Variants in DOK6 observed in about 807,000 individuals in gnomAD.
DOK6 encodes the protein downstream of tyrosine kinase 6.
Under a neutral mutation model 44.0 loss-of-function variants are expected in DOK6, and 22 were observed. The ratio of observed to expected loss-of-function variants is 0.50; its 90% CI spans 0.36 to 0.71. The LOEUF (loss-of-function observed/expected upper bound fraction) is 0.71. DOK6 is among the 30% of genes least tolerant of loss of function. The pLI is 0.00. For missense variants in DOK6, 340 were observed against 416.4 expected, an observed-to-expected ratio of 0.82 and a Z score of 1.60; for synonymous variants, 166 against 145.5, an observed-to-expected ratio of 1.14 and a Z score of -1.01.
chr18:69,757,629 C>T (rs1478949027), intron 6 of DOK6, 127 bp from the exon 7 acceptor site: 27 of 713,626 alleles, frequency 3.8e-5, no homozygotes, highest in Admixed American at 6.6e-5. Context: ...ATCCTTACAC[C>T]GGGGATCATG....
intron 1 of DOK6, among the ~76,000 whole-genome samples, chr18:69,520,876 T>G (rs564768752): frequency 2.6e-5 from 4 of 152,028 alleles, no homozygotes; most frequent in African/African-American, 9.6e-5. Context: ...CTATGAAATA[T>G]TCTAGGCTCT....
At chr18:69,441,875 C>A (rs535275173) in intron 1 of DOK6, among the ~76,000 whole-genome samples, 1 of 151,870 alleles carries the variant, frequency 6.6e-6, no homozygotes, top group East Asian at 1.9e-4. Context: ...AAGGAGGAGA[C>A]AATAAGGCAT....
chr18:69,612,399 T>TGTGCGAGGGCGCA, intron 3 of DOK6, among the ~76,000 whole-genome samples: 1 of 62,414 alleles, frequency 1.6e-5, no homozygotes, highest in Non-Finnish European at 3.9e-5. Flanking sequence ...CGAAGAGACT[T>TGTGCGAGGGCGCA]TGTGTGCGAG....
rs567175213 is a variant in DOK6, at chr18:69,487,541, T to C, written c.67-76946T>C. Among the ~76,000 whole-genome samples the C allele has an allele frequency of 6.6e-5, 10 of 152,238 alleles. No individual in the cohort carries two copies. The East Asian group carries it at 1.9e-3, about 29-fold the overall frequency. On this transcript the variant is annotated intron_variant, in intron 1 of 7. Coordinates refer to ENST00000382713, the MANE Select transcript of DOK6 (RefSeq NM_152721.6). ...TTTTATTATTTTCATTAATATGAGA[T>C]AACCAAAAGTTCCTTTTTTAAACTT...
At chr18:69,734,115 T>G (rs1205059913) in intron 5 of DOK6, among the ~76,000 whole-genome samples, 1 of 152,010 alleles carries the variant, frequency 6.6e-6, no homozygotes, top group African/African-American at 2.4e-5. Flanking sequence ...TCTCTGAAAT[T>G]TATATCAATG....
intron 5 of DOK6, among the ~76,000 whole-genome samples, chr18:69,734,426 T>C (rs1217894551): frequency 8.1e-6 from 1 of 123,222 alleles, no homozygotes; most frequent in Non-Finnish European, 1.8e-5. Flanking sequence ...AGGAAAATTC[T>C]AGCATCGTTA....
rs77112677 is a variant in DOK6 at position 69,473,913 on chromosome 18, T to C, written c.66+72603T>C. Among the ~76,000 whole-genome samples, 910 of 152,244 alleles carry C rather than the reference T, an allele frequency of 6.0e-3. 5 individuals carry two copies. Among genetic ancestry groups the C allele is most frequent in the African/African-American group, 0.021 (867 of 41,540 alleles). Reference sequence around the variant, plus strand: ...CCTATCCACCCTATCTGGGTTTTTCTATCACAGCCCTATTGGAAGTGCACA... The same window carrying C: ...CCTATCCACCCTATCTGGGTTTTTCCATCACAGCCCTATTGGAAGTGCACA... On this transcript the variant is annotated intron_variant, in intron 1 of 7. Coordinates refer to ENST00000382713, the MANE Select transcript of DOK6 (RefSeq NM_152721.6).
chr18:69,618,124 G>A (rs1984355508), intron 3 of DOK6, among the ~76,000 whole-genome samples: 1 of 152,150 alleles, frequency 6.6e-6, no homozygotes. Flanking sequence ...TAGGAGAGAG[G>A]CATGGGAAAG....
chr18:69,639,673 C>T (rs966780416), intron 3 of DOK6, among the ~76,000 whole-genome samples: 2 of 151,518 alleles, frequency 1.3e-5, no homozygotes, highest in East Asian at 1.9e-4. Flanking sequence ...AGCATGGCAT[C>T]GAATTGTGTA....
At chr18:69,712,280 C>CAAAAAAAAAAA (rs869202861) in intron 5 of DOK6, among the ~76,000 whole-genome samples, 2 of 22,674 alleles carry the variant, frequency 8.8e-5, no homozygotes, top group Non-Finnish European at 7.5e-5. Flanking sequence ...GACTCCGTCT[C>CAAAAAAAAAAA]AAAAAAAAAA....
At chr18:69,607,162 C>T (rs141729779) in intron 3 of DOK6, among the ~76,000 whole-genome samples, 5 of 152,256 alleles carry the variant, frequency 3.3e-5, no homozygotes, top group Non-Finnish European at 5.9e-5. Flanking sequence ...TTTTGAACAA[C>T]CAGCACATAT....
intron 5 of DOK6, among the ~76,000 whole-genome samples, chr18:69,734,166 A>G (rs1978518242): frequency 6.6e-6 from 1 of 151,540 alleles, no homozygotes; most frequent in Non-Finnish European, 1.5e-5. Context: ...TTTCCAAATG[A>G]CTACCATTCA....
intron 7 of DOK6, among the ~76,000 whole-genome samples, chr18:69,811,262 C>G (rs575750150): frequency 2.0e-5 from 3 of 151,736 alleles, no homozygotes; most frequent in African/African-American, 7.3e-5. Flanking sequence ...AAAGTTGAAC[C>G]CACAGAAGCA....
At chr18:69,457,994 T>C (rs1303769721) in intron 1 of DOK6, among the ~76,000 whole-genome samples, 1 of 152,030 alleles carries the variant, frequency 6.6e-6, no homozygotes. Flanking sequence ...AATACAAGAA[T>C]TTGCTGGGCG....
intron 1 of DOK6, among the ~76,000 whole-genome samples, chr18:69,500,377 C>T (rs192081782): frequency 6.6e-6 from 1 of 152,238 alleles, no homozygotes; most frequent in African/African-American, 2.4e-5. Context: ...TCTTGCCATT[C>T]TCTTTCATAT....
At chr18:69,475,791 T>A (rs1255467321) in intron 1 of DOK6, among the ~76,000 whole-genome samples, 1 of 152,208 alleles carries the variant, frequency 6.6e-6, no homozygotes, top group Non-Finnish European at 1.5e-5. Flanking sequence ...AAAATTTCAT[T>A]CTATTAGACA....
chr18:69,793,323 G>A (rs1980652662), intron 7 of DOK6, among the ~76,000 whole-genome samples: 1 of 152,146 alleles, frequency 6.6e-6, no homozygotes, highest in Non-Finnish European at 1.5e-5. Context: ...CACTGTCCTA[G>A]GCATATACTG....
intron 3 of DOK6, among the ~76,000 whole-genome samples, chr18:69,612,217 T>TATAA (rs1555716959): frequency 6.7e-6 from 1 of 149,904 alleles, no homozygotes; most frequent in Non-Finnish European, 1.5e-5. Flanking sequence ...ATATTTAAGT[T>TATAA]AAAAAAAACC....
intron 1 of DOK6, among the ~76,000 whole-genome samples, chr18:69,492,051 T>A (rs1301559328): frequency 6.6e-6 from 1 of 152,198 alleles, no homozygotes; most frequent in Non-Finnish European, 1.5e-5. Flanking sequence ...GCAAAGCTAA[T>A]TGTATGCCAG....
Sources: allele counts gnomAD v4.1 joint callset (sites outside exome capture counted in the v4.1 genomes callset), GRCh38; gene constraint gnomAD v4.1.1; transcripts MANE v1.5; gene names NCBI Gene and HGNC (gene_info 2026-07-23, HGNC 2026-07-21).